CDH12: variants seen among roughly 807,000 people sequenced by gnomAD.
The protein encoded by CDH12 is cadherin 12, also known as cadherin-12.
Under a neutral mutation model 74.1 loss-of-function variants are expected in CDH12, and 41 were observed. That is an observed-to-expected ratio of 0.55 (90% CI 0.43 to 0.72). The LOEUF is 0.72. CDH12 is among the 30% of genes least tolerant of loss of function. CDH12 has a pLI of 0.00. For synonymous variants in CDH12, 399 were observed against 355.0 expected, an observed-to-expected ratio of 1.12 and a Z score of -1.39; for missense variants, 945 against 977.2, an observed-to-expected ratio of 0.97 and a Z score of 0.44.
chr5:21,921,435 C>A (rs973168094), intron 6 of CDH12, among the ~76,000 whole-genome samples: 1 of 152,070 alleles, frequency 6.6e-6, no homozygotes, highest in African/African-American at 2.4e-5. Context: ...GACTTAGTTC[C>A]TTTTAAAACA....
chr5:22,330,205 A>C (rs1293083858), intron 3 of CDH12, among the ~76,000 whole-genome samples: 2 of 152,118 alleles, frequency 1.3e-5, no homozygotes, highest in Non-Finnish European at 2.9e-5. Flanking sequence ...TAATGAGGCT[A>C]CCATTCCAGT....
intron 6 of CDH12, among the ~76,000 whole-genome samples, chr5:21,869,724 G>A (rs1040219046): frequency 2.6e-5 from 4 of 152,120 alleles, no homozygotes; most frequent in Non-Finnish European, 4.4e-5. Context: ...AAGGATACTT[G>A]TATCATATTA....
intron 3 of CDH12, among the ~76,000 whole-genome samples, chr5:22,250,030 T>A (rs774681189): frequency 1.3e-5 from 2 of 150,394 alleles, no homozygotes; most frequent in African/African-American, 4.9e-5. Context: ...AAAAAAAAAA[T>A]GTAGGCTGGT....
chr5:22,330,814 T>C (rs988467381), intron 3 of CDH12, among the ~76,000 whole-genome samples: 3 of 150,924 alleles, frequency 2.0e-5, no homozygotes, highest in African/African-American at 7.3e-5. Context: ...AGGTATCAGC[T>C]TGACTACTGT....
chr5:22,327,909 A>T (rs1263066718), intron 3 of CDH12, among the ~76,000 whole-genome samples: 2 of 152,246 alleles, frequency 1.3e-5, no homozygotes, highest in African/African-American at 4.8e-5. Flanking sequence ...CTTATGTAAT[A>T]AATGTAAATG....
In CDH12 at chr5:21,760,613, A is replaced by G. The variant is rs1414861056; in HGVS notation, c.1578T>C (p.Phe526=). The part of the protein sequence containing the change: ...DLSPAGQQFS[F]RLSPEAAIKP... ...TGATAGCAGCCTCAGGTGATAATCT[A>G]AAGGAGAATTGTTGCCCAGCAGGTG... Residue 526 remains phenylalanine (F), a synonymous_variant, in exon 13 of 15, where the codon TTT becomes TTC. Coordinates refer to ENST00000382254, the MANE Select transcript of CDH12 (RefSeq NM_004061.5). 4 of 1,612,216 alleles carry G rather than the reference A, an allele frequency of 2.5e-6. No homozygotes were observed. Among genetic ancestry groups the G allele is most frequent in the Admixed American group, 1.7e-5 (1 of 59,944 alleles).
intron 4 of CDH12, among the ~76,000 whole-genome samples, chr5:22,098,928 T>G (rs1156543809): frequency 6.6e-6 from 1 of 152,148 alleles, no homozygotes; most frequent in Non-Finnish European, 1.5e-5. Context: ...TTCCTTTCCA[T>G]TGTAGAAATC....
chr5:22,319,828 AAAG>A (rs776983221), intron 3 of CDH12, among the ~76,000 whole-genome samples: 13 of 151,892 alleles, frequency 8.6e-5, no homozygotes, highest in Non-Finnish European at 1.3e-4. Flanking sequence ...GGAGTGAGAG[AAAG>A]AAGAAAAGGG....
chr5:21,816,428 C>A (rs1265199234), intron 9 of CDH12, among the ~76,000 whole-genome samples: 1 of 151,192 alleles, frequency 6.6e-6, no homozygotes, highest in African/African-American at 2.4e-5. Flanking sequence ...AGTTTGAGAC[C>A]AGCCTGACCA....
chr5:22,038,892 G>A (rs751853583), intron 5 of CDH12, among the ~76,000 whole-genome samples: 5 of 152,116 alleles, frequency 3.3e-5, no homozygotes, highest in Non-Finnish European at 7.3e-5. Flanking sequence ...TCCGATACAG[G>A]CCAAATGGTG....
At chr5:22,625,183 A>G (rs1454368881) in intron 1 of CDH12, among the ~76,000 whole-genome samples, 1 of 152,084 alleles carries the variant, frequency 6.6e-6, no homozygotes, top group Non-Finnish European at 1.5e-5. Context: ...GCGGGGAGGG[A>G]TAGAATTAGG....
chr5:22,335,041 T>G (rs1275135056), intron 3 of CDH12, among the ~76,000 whole-genome samples: 1 of 151,484 alleles, frequency 6.6e-6, no homozygotes, highest in African/African-American at 2.4e-5. Flanking sequence ...AGGAAAAAAA[T>G]CAACAAAGTG....
At chr5:22,674,426 G>A (rs763210890) in intron 1 of CDH12, among the ~76,000 whole-genome samples, 1 of 152,082 alleles carries the variant, frequency 6.6e-6, no homozygotes. Context: ...CATGTGGAAC[G>A]GTAAGTCCAT....
intron 1 of CDH12, among the ~76,000 whole-genome samples, chr5:22,721,479 C>T (rs763459502): frequency 3.9e-5 from 6 of 152,298 alleles, no homozygotes; most frequent in Middle Eastern, 3.4e-3. Context: ...AACTAACTTG[C>T]TTTTAATTTT....
intron 3 of CDH12, among the ~76,000 whole-genome samples, chr5:22,360,961 C>T (rs1238465140): frequency 1.3e-5 from 2 of 152,090 alleles, no homozygotes; most frequent in Non-Finnish European, 2.9e-5. Context: ...ATGAAAAACC[C>T]ACAGCCAGTA....
At chr5:22,752,558 T>TC (rs1745637726) in intron 1 of CDH12, among the ~76,000 whole-genome samples, 1 of 20,352 alleles carries the variant, frequency 4.9e-5, no homozygotes, top group Admixed American at 8.6e-4. Context: ...TTTTTTTTTT[T>TC]TTTTTTTTTT....
At chr5:22,799,903 T>G (rs974868069) in intron 1 of CDH12, among the ~76,000 whole-genome samples, 1 of 152,190 alleles carries the variant, frequency 6.6e-6, no homozygotes, top group Non-Finnish European at 1.5e-5. Context: ...TTATACAAAC[T>G]AGAAGATTGC....
chr5:22,645,489 C>A (rs1580847253), intron 1 of CDH12, among the ~76,000 whole-genome samples: 1 of 152,074 alleles, frequency 6.6e-6, no homozygotes, highest in African/African-American at 2.4e-5. Flanking sequence ...AAAATGGTTT[C>A]TTGTGAAGGA....
At chr5:22,377,683 G>A (rs1245510214) in intron 3 of CDH12, among the ~76,000 whole-genome samples, 1 of 152,138 alleles carries the variant, frequency 6.6e-6, no homozygotes, top group Non-Finnish European at 1.5e-5. Flanking sequence ...CAGATTTCCA[G>A]TTTAATTCTG....
Sources: gnomAD v4.1 joint callset for allele counts (sites outside exome capture counted in the v4.1 genomes callset) on GRCh38, gnomAD v4.1.1 for gene constraint, MANE v1.5 for transcripts, NCBI Gene and HGNC (gene_info 2026-07-23, HGNC 2026-07-21) for gene names.